USP2: variants seen among roughly 807,000 people sequenced by gnomAD.
USP2 encodes the protein ubiquitin carboxyl-terminal hydrolase 2.
A neutral mutation model predicts 72.0 loss-of-function variants in USP2; 33 were observed. The ratio of observed to expected loss-of-function variants is 0.46; its 90% CI spans 0.35 to 0.61. The LOEUF is 0.61. USP2 is among the 20% of genes least tolerant of loss of function. USP2 has a pLI of 0.01. For missense variants in USP2, 691 were observed against 797.8 expected (o/e 0.87, Z 1.61); for synonymous variants, 296 against 312.5 (o/e 0.95, Z 0.56).
chr11:119,368,625 G>C (rs1950886352), intron 2 of USP2, among the ~76,000 whole-genome samples: 1 of 152,256 alleles, frequency 6.6e-6, no homozygotes, highest in Admixed American at 6.5e-5. Flanking sequence ...CAGGTATTCA[G>C]TTTCCCAGAC....
intron 1 of USP2, chr11:119,376,197 GC>G: frequency 1.0e-6 from 1 of 985,592 alleles, no homozygotes; most frequent in Non-Finnish European, 1.2e-6. Flanking sequence ...TGAAAGCACA[GC>G]CTGGGTTGGT....
Position 119,381,656 on chromosome 11 carries a change from G to T in USP2, c.-225C>A. 8.7e-7 allele frequency: 1 copy of T among 1,155,434 alleles called. No individual in the cohort carries two copies. Among genetic ancestry groups the T allele is most frequent in the Non-Finnish European group, 1.2e-6 (1 of 808,164 alleles). The allele number at this position is 1,155,434 out of a possible 1,614,324, so 71.6% of individuals were successfully genotyped here. ...CCAGAAGGGACCTCCCCGGGAAATC[G>T]GCGCCACCCAGCGGGCAGCCGCCTC... On this transcript the variant is annotated 5_prime_UTR_variant, in exon 1 of 13. Transcript: ENST00000260187.
At chr11:119,367,582 G>A (rs1950871699) in intron 2 of USP2, among the ~76,000 whole-genome samples, 1 of 152,168 alleles carries the variant, frequency 6.6e-6, no homozygotes, top group South Asian at 2.1e-4. Flanking sequence ...AGTGCACCTT[G>A]GGGAGAGAGG....
At chr11:119,360,082 G>C (rs920673504) in intron 3 of USP2, 102 bp downstream of exon 3, 2 of 1,416,708 alleles carry the variant, frequency 1.4e-6, no homozygotes, top group Middle Eastern at 2.4e-4. Context: ...TGGCTGAACG[G>C]GTAGGGAGTC....
In USP2 at chr11:119,358,823, C is replaced by T; in HGVS notation, c.1187G>A (p.Gly396Asp). The change falls in exon 7 of 13, where the codon GGC (glycine) becomes GAC (aspartate). Residue 396 changes from glycine to aspartate, a missense_variant. Coordinates refer to ENST00000260187, the MANE Select transcript of USP2 (RefSeq NM_004205.5). ...TAGATATTTTCTCCACATCTGTCGG[C>T]CTTTCTCGTCATCACTGGGAACCAG... ...NLDHLPDDEK[G>D]RQMWRKYLER... is the part of the protein sequence containing the mutation. 6.2e-7 allele frequency: 1 copy of T among 1,614,066 alleles called. No individual in the cohort carries two copies. The highest frequency in any genetic ancestry group is 1.1e-5 in the South Asian group (1 of 91,090).
rs1250452993 is a variant in USP2 at position 119,357,029 on chromosome 11, C to T, written c.1731-107G>A. ...GGCCGGCCTGCCTTTCAGGGAGCCT[C>T]CCCACGGGCAGCGGCTTCGTGGCCT... On this transcript the variant is annotated intron_variant, in intron 12 of 12. Transcript: ENST00000260187. 2.8e-6 allele frequency: 4 copies of T among 1,450,326 alleles called. No individual in the cohort carries two copies. The African/African-American group carries it at 5.8e-5, about 21-fold the overall frequency. 89.8% of individuals were successfully genotyped at this position (1,450,326 alleles called of 1,614,324 possible). A position where few individuals can be genotyped will look rare whatever the true frequency, so the allele number is the denominator to read the frequency against.
intron 1 of USP2, among the ~76,000 whole-genome samples, chr11:119,377,407 G>A (rs534506822): frequency 2.6e-5 from 4 of 152,326 alleles, no homozygotes; most frequent in South Asian, 2.1e-4. Context: ...CCAGGTGTCC[G>A]TCATCCAGTA....
intron 1 of USP2, among the ~76,000 whole-genome samples, chr11:119,380,326 C>A (rs1466859418): frequency 6.6e-6 from 1 of 151,790 alleles, no homozygotes; most frequent in Non-Finnish European, 1.5e-5. Flanking sequence ...GACGTCCAGT[C>A]CACCAAGCAG....
intron 3 of USP2, 37 bp from the exon 4 acceptor site, chr11:119,359,697 G>A: frequency 6.2e-7 from 1 of 1,607,448 alleles, no homozygotes; most frequent in Non-Finnish European, 8.5e-7. Context: ...GGGGAGACGA[G>A]AGTCCCACCT....
chr11:119,359,389 A>G (rs760078736), intron 4 of USP2, 47 bp from the exon 5 acceptor site: 41 of 1,589,172 alleles, frequency 2.6e-5, no homozygotes, highest in Non-Finnish European at 3.4e-5. Flanking sequence ...ATTTTCTATA[A>G]GAAACTCTGA....
rs1488057046 is a variant in USP2 at position 119,373,109 on chromosome 11, G to A, written c.372C>T (p.Tyr124=). The change falls in exon 2 of 13, where the codon TAC becomes TAT. Residue 124 remains tyrosine (Y), a synonymous_variant. Transcript: ENST00000260187. ...CCTGGTCATAGGCATTGATGGGCAG[G>A]TAGCTGAGGCAGTTGTTGGTCACTC... The part of the protein sequence containing the change: ...PYGVTNNCLS[Y]LPINAYDQGV... 6.2e-7 allele frequency: 1 copy of A among 1,614,054 alleles called. No homozygotes were observed. The highest frequency in any genetic ancestry group is 2.2e-5 in the East Asian group (1 of 44,904).
intron 1 of USP2, among the ~76,000 whole-genome samples, chr11:119,377,410 A>T (rs2135412387): frequency 6.6e-6 from 1 of 152,354 alleles, no homozygotes; most frequent in East Asian, 1.9e-4. Flanking sequence ...GGTGTCCGTC[A>T]TCCAGTAACA....
chr11:119,371,244 GC>G (rs1236660804), intron 2 of USP2, among the ~76,000 whole-genome samples: 1 of 152,128 alleles, frequency 6.6e-6, no homozygotes, highest in Non-Finnish European at 1.5e-5. Context: ...AGGGGAGGGA[GC>G]CCCGCAGAGG....
chr11:119,368,022 C>T (rs1244529710), intron 2 of USP2, among the ~76,000 whole-genome samples: 1 of 152,204 alleles, frequency 6.6e-6, no homozygotes, highest in Non-Finnish European at 1.5e-5. Flanking sequence ...AGAAATTGAG[C>T]CTGGATAAGG....
In USP2 at chr11:119,356,521, A is replaced by AG. The variant is rs1950654400; in HGVS notation, c.*313dup. On this transcript the variant is annotated 3_prime_UTR_variant, in exon 13 of 13. Transcript: ENST00000260187. ...CGCTGCGGCGGGAAGCGGCGCAGCG[A>AG]GGGTCTTCCCCCCCAAGACACAGTT... 3.7e-6 allele frequency: 1 copy of AG among 269,092 alleles called. No individual in the cohort carries two copies. Among genetic ancestry groups the AG allele is most frequent in the Admixed American group, 5.0e-5 (1 of 20,142 alleles). 16.7% of individuals were successfully genotyped at this position (269,092 alleles called of 1,614,324 possible).
intron 1 of USP2, chr11:119,379,071 G>A: frequency 1.0e-6 from 1 of 985,592 alleles, no homozygotes; most frequent in Non-Finnish European, 1.2e-6. Flanking sequence ...AGGGAATGCA[G>A]TGGAAAGCCC....
At chr11:119,358,701 G>T in intron 7 of USP2, 72 bp downstream of exon 7, 1 of 1,550,028 alleles carries the variant, frequency 6.5e-7, no homozygotes. Context: ...GTGATTCTTA[G>T]GGCTTTTCAT....
At chr11:119,359,805 T>A (rs1008825400) in intron 3 of USP2, 145 bp from the exon 4 acceptor site, 5 of 1,224,366 alleles carry the variant, frequency 4.1e-6, no homozygotes, top group Non-Finnish European at 5.6e-6. Flanking sequence ...CCTCTTTTCA[T>A]AAGTGAAAGG....
intron 2 of USP2, among the ~76,000 whole-genome samples, chr11:119,372,016 G>A (rs963215437): frequency 6.6e-6 from 1 of 152,130 alleles, no homozygotes; most frequent in Non-Finnish European, 1.5e-5. Context: ...ATTAGTTGGC[G>A]AGCGAGCCCA....
Sources: gnomAD v4.1 joint callset for allele counts (sites outside exome capture counted in the v4.1 genomes callset) on GRCh38, gnomAD v4.1.1 for gene constraint, MANE v1.5 for transcripts, NCBI Gene and HGNC (gene_info 2026-07-23, HGNC 2026-07-21) for gene names.